GPR39: variants seen among roughly 807,000 people sequenced by gnomAD.
GPR39 encodes G protein-coupled receptor 39.
GPR39 carries 23 observed loss-of-function variants against 18.4 expected under a neutral mutation model. The observed-to-expected ratio is 1.25, with a 90% CI of 0.90 to 1.77. The LOEUF is 1.77. Among genes scored for constraint, GPR39 ranks in the 40% most tolerant of loss-of-function variants. The probability of loss-of-function intolerance (pLI) is 0.00; values close to 1 mark genes in which losing one functional copy is unlikely to be tolerated. For synonymous variants in GPR39, 280 were observed against 257.9 expected, an observed-to-expected ratio of 1.09 and a Z score of -0.82; for missense variants, 647 against 602.4, an observed-to-expected ratio of 1.07 and a Z score of -0.78.
chr2:132,614,192 T>C (rs1348624433), intron 1 of GPR39, among the ~76,000 whole-genome samples: 2 of 151,904 alleles, frequency 1.3e-5, no homozygotes, highest in South Asian at 4.1e-4. Context: ...TTTTTTGTTT[T>C]TGTTTTGTTT....
intron 1 of GPR39, among the ~76,000 whole-genome samples, chr2:132,595,267 A>G (rs764671958): frequency 6.6e-6 from 1 of 151,952 alleles, no homozygotes; most frequent in Non-Finnish European, 1.5e-5. Flanking sequence ...CTCCCAAACC[A>G]CTGGGATTAT....
chr2:132,537,579 C>A (rs1289964284), intron 1 of GPR39, among the ~76,000 whole-genome samples: 2 of 149,876 alleles, frequency 1.3e-5, no homozygotes, highest in African/African-American at 4.9e-5. Context: ...CCTGAATTTG[C>A]ATGTTGGCCT....
intron 1 of GPR39, among the ~76,000 whole-genome samples, chr2:132,489,290 A>T (rs943834939): frequency 6.6e-6 from 1 of 152,038 alleles, no homozygotes; most frequent in Non-Finnish European, 1.5e-5. Context: ...CCCCATTGGC[A>T]GGCGCCGGCG....
chr2:132,645,517 T>C lies in GPR39; in HGVS notation c.1273T>C (p.Ser425Pro), dbSNP rs1195226171. The change falls in exon 2 of 2, where the codon TCA becomes CCA. Residue 425 changes from serine (S) to proline (P), a missense_variant. Ser to Pro is a moderately conservative substitution (Grantham distance 74). Transcript: ENST00000329321. ...SEAEPQSKSQ[S>P]LSLESLEPNS... ...GGCCGAGCCCCAGTCTAAGTCCCAG[T>C]CATTGAGTCTCGAGTCACTAGAGCC... The C allele has an allele frequency of 1.2e-6, 2 of 1,614,098 alleles. No homozygotes were observed. Among genetic ancestry groups the C allele is most frequent in the Non-Finnish European group, 1.7e-6 (2 of 1,180,022 alleles).
chr2:132,427,134 A>C (rs1371061930), intron 1 of GPR39, among the ~76,000 whole-genome samples: 2 of 16,028 alleles, frequency 1.2e-4, no homozygotes, highest in East Asian at 3.1e-3. Flanking sequence ...ATAGGTACAT[A>C]TATATATATA....
intron 1 of GPR39, among the ~76,000 whole-genome samples, chr2:132,531,261 C>T (rs1489500267): frequency 1.3e-5 from 2 of 152,128 alleles, no homozygotes; most frequent in Non-Finnish European, 2.9e-5. Context: ...CAAAGAAGGC[C>T]ATTACATAAT....
intron 1 of GPR39, among the ~76,000 whole-genome samples, chr2:132,628,883 A>T (rs1413465966): frequency 6.6e-6 from 1 of 152,174 alleles, no homozygotes; most frequent in Non-Finnish European, 1.5e-5. Flanking sequence ...ACACATATTG[A>T]GTCCCTACTC....
At chr2:132,613,680 A>G (rs1463396525) in intron 1 of GPR39, among the ~76,000 whole-genome samples, 1 of 152,110 alleles carries the variant, frequency 6.6e-6, no homozygotes, top group Non-Finnish European at 1.5e-5. Flanking sequence ...GGTTTAGCTT[A>G]TAGTTCTCCT....
intron 1 of GPR39, among the ~76,000 whole-genome samples, chr2:132,587,790 C>T (rs1361869154): frequency 6.6e-6 from 1 of 152,236 alleles, no homozygotes; most frequent in Non-Finnish European, 1.5e-5. Flanking sequence ...CCGCCTCAGC[C>T]TCCCAAAGTG....
intron 1 of GPR39, among the ~76,000 whole-genome samples, chr2:132,427,330 A>T (rs1402654018): frequency 1.5e-5 from 2 of 131,216 alleles, no homozygotes; most frequent in African/African-American, 5.8e-5. Flanking sequence ...CACCTGGCTA[A>T]TATATTTTTT....
At position 132,645,141 on chromosome 2, in the gene GPR39, C is replaced by A; in HGVS notation, c.897C>A (p.Asn299Lys). The change falls in exon 2 of 2, where the codon AAC becomes AAA. Residue 299 changes from asparagine (N) to lysine (K), a missense_variant. Coordinates refer to ENST00000329321, the MANE Select transcript of GPR39 (RefSeq NM_001508.3). ...VVTLAVCWMP[N>K]QIRRIMAAAK... is the part of the protein sequence containing the mutation. ...CATTGGCCGTATGCTGGATGCCCAA[C>A]CAGATTCGGAGGATCATGGCTGCGG... is the stretch of plus-strand genomic sequence containing the variant. 6.2e-7 allele frequency: 1 copy of A among 1,614,100 alleles called. No homozygotes were observed.
intron 1 of GPR39, among the ~76,000 whole-genome samples, chr2:132,452,353 T>G (rs1680645112): frequency 6.6e-6 from 1 of 152,238 alleles, no homozygotes; most frequent in South Asian, 2.1e-4. Context: ...CTTTAAATAT[T>G]CTTTTATGTC....
intron 1 of GPR39, among the ~76,000 whole-genome samples, chr2:132,557,863 CG>C (rs572087592): frequency 4.6e-5 from 7 of 151,848 alleles, no homozygotes; most frequent in East Asian, 1.9e-4. Context: ...CCATGCCGCC[CG>C]GGGGGGCTGT....
At chr2:132,434,631 G>A (rs1680280363) in intron 1 of GPR39, among the ~76,000 whole-genome samples, 1 of 152,146 alleles carries the variant, frequency 6.6e-6, no homozygotes, top group Non-Finnish European at 1.5e-5. Flanking sequence ...GGAAAGGATT[G>A]TCAGCATTAT....
At chr2:132,549,957 T>C (rs1481667107) in intron 1 of GPR39, among the ~76,000 whole-genome samples, 1 of 152,166 alleles carries the variant, frequency 6.6e-6, no homozygotes, top group Non-Finnish European at 1.5e-5. Context: ...TTTTCCATTT[T>C]TAAGGAGGAC....
chr2:132,592,005 A>G (rs1178946944), intron 1 of GPR39, among the ~76,000 whole-genome samples: 1 of 152,198 alleles, frequency 6.6e-6, no homozygotes, highest in Non-Finnish European at 1.5e-5. Context: ...GAACCAAATT[A>G]TAATTATATT....
In GPR39 at chr2:132,573,286, CTG is replaced by C. The variant is rs1046027638; in HGVS notation, c.857-71812_857-71811del. Among the ~76,000 whole-genome samples, 4 of 152,292 alleles carry C rather than the reference CTG, an allele frequency of 2.6e-5. 1 individual carries two copies. The highest frequency in any genetic ancestry group is 2.4e-5 in the African/African-American group (1 of 41,558). On this transcript the variant is annotated intron_variant, in intron 1 of 1. Transcript: ENST00000329321. ...TCCCCTCCTTCCTCTATTTTTCCCT[CTG>C]TGGCAATAGCTGACCAAGGAAGCTT...
At chr2:132,626,099 CAAAA>C (rs11428329) in intron 1 of GPR39, among the ~76,000 whole-genome samples, 1 of 134,246 alleles carries the variant, frequency 7.4e-6, no homozygotes, top group Non-Finnish European at 1.6e-5. Context: ...GACTCCATCT[CAAAA>C]AAAAAAAACA....
At chr2:132,641,285 C>T (rs187799237) in intron 1 of GPR39, among the ~76,000 whole-genome samples, 61 of 152,314 alleles carry the variant, frequency 4.0e-4, no homozygotes, top group African/African-American at 1.4e-3. Flanking sequence ...CCCTGTTCCT[C>T]GCTATAGCTG....
Sources: allele counts gnomAD v4.1 joint callset (sites outside exome capture counted in the v4.1 genomes callset), GRCh38; gene constraint gnomAD v4.1.1; transcripts MANE v1.5; gene names NCBI Gene and HGNC (gene_info 2026-07-23, HGNC 2026-07-21).